Variants in ANKRD44 observed in about 807,000 individuals in gnomAD.
ANKRD44 encodes ankyrin repeat domain 44.
In ANKRD44, 35 loss-of-function variants were observed where a neutral mutation model predicts 116.0. The observed-to-expected ratio is 0.30, with a 90% CI of 0.23 to 0.40. The LOEUF (loss-of-function observed/expected upper bound fraction) is 0.40, where lower values mean the gene tolerates loss of function less well. Ranked by LOEUF, ANKRD44 falls within the 10% of genes least tolerant of loss-of-function variation. The pLI is 1.00. For synonymous variants in ANKRD44, 435 were observed against 461.8 expected, an observed-to-expected ratio of 0.94 and a Z score of 0.74; for missense variants, 1,014 against 1,242.6, an observed-to-expected ratio of 0.82 and a Z score of 2.77.
chr2:197,123,135 GC>G (rs2078896658), intron 6 of ANKRD44, among the ~76,000 whole-genome samples: 1 of 152,122 alleles, frequency 6.6e-6, no homozygotes, highest in South Asian at 2.1e-4. Flanking sequence ...TGAAAGCAAT[GC>G]TTTTGAAAAC....
chr2:197,051,840 A>G (rs1044907441), intron 16 of ANKRD44, among the ~76,000 whole-genome samples: 1 of 152,200 alleles, frequency 6.6e-6, no homozygotes, highest in South Asian at 2.1e-4. Flanking sequence ...AGTAGCACCT[A>G]GTGGGTAGAG....
chr2:197,004,900 T>C (rs900199768), intron 21 of ANKRD44, among the ~76,000 whole-genome samples: 4 of 152,110 alleles, frequency 2.6e-5, no homozygotes, highest in African/African-American at 4.8e-5. Flanking sequence ...GGTATACATA[T>C]TGCTATGAAA....
At chr2:197,118,732 G>A (rs1352067199) in intron 8 of ANKRD44, among the ~76,000 whole-genome samples, 2 of 151,974 alleles carry the variant, frequency 1.3e-5, no homozygotes, top group Non-Finnish European at 2.9e-5. Flanking sequence ...TAGCATATTG[G>A]TACATACTCC....
intron 2 of ANKRD44, among the ~76,000 whole-genome samples, chr2:197,166,929 T>C (rs1258125324): frequency 6.6e-6 from 1 of 152,254 alleles, no homozygotes; most frequent in Non-Finnish European, 1.5e-5. Flanking sequence ...TTATGTGATA[T>C]ATAGTGTCCT....
intron 26 of ANKRD44, chr2:196,994,510 C>T (rs2376207): frequency 0.7 from 105,183 of 150,848 alleles, 36,785 homozygotes; most frequent in East Asian, 0.8. Context: ...TCTTCTTCTT[C>T]TTTTCTTTTT....
chr2:197,109,405 T>C (rs1029055303), intron 9 of ANKRD44, among the ~76,000 whole-genome samples: 3 of 152,256 alleles, frequency 2.0e-5, no homozygotes, highest in African/African-American at 7.2e-5. Context: ...ATTTCTGTTT[T>C]ACCTTCCTTG....
intron 18 of ANKRD44, among the ~76,000 whole-genome samples, chr2:197,011,324 GGCTAAACA>G (rs1434382346): frequency 6.6e-6 from 1 of 152,106 alleles, no homozygotes; most frequent in Non-Finnish European, 1.5e-5. Flanking sequence ...TTTGATATTT[GGCTAAACA>G]TAAGAAGAAA....
chr2:197,099,488 A>G (rs1299581456), intron 10 of ANKRD44: 4 of 1,039,644 alleles, frequency 3.8e-6, no homozygotes. Context: ...AAATTGGCTC[A>G]GTTAGGTTTT....
At position 197,283,797 on chromosome 2, in the gene ANKRD44, C is replaced by T. The variant is rs188371789; in HGVS notation, c.27+26781G>A. On this transcript the variant is annotated intron_variant, in intron 1 of 27. Transcript: ENST00000282272. ...AGCATAAAGAAGCAATAAATGGGGG[C>T]AGGGAGTAAAGCTTGGGAACTATTC... is the stretch of plus-strand genomic sequence containing the variant. Among the ~76,000 whole-genome samples the T allele has an allele frequency of 4.2e-3, 643 of 152,038 alleles. 3 individuals carry two copies. Among genetic ancestry groups the T allele is most frequent in the African/African-American group, 0.015 (612 of 41,448 alleles).
At chr2:197,186,612 C>CTTATTTTTTTTTTTTTT (rs2080671655) in intron 2 of ANKRD44, among the ~76,000 whole-genome samples, 1 of 50,786 alleles carries the variant, frequency 2.0e-5, no homozygotes, top group Non-Finnish European at 4.4e-5. Flanking sequence ...GCTAATTTTT[C>CTTATTTTTTTTTTTTTT]TTTTTTTTTT....
intron 16 of ANKRD44, among the ~76,000 whole-genome samples, chr2:197,056,496 T>C (rs1195953724): frequency 6.6e-6 from 1 of 152,192 alleles, no homozygotes; most frequent in African/African-American, 2.4e-5. Flanking sequence ...AGTGATATCT[T>C]TTTAAAATTT....
intron 21 of ANKRD44, among the ~76,000 whole-genome samples, chr2:196,970,599 C>G (rs939599550): frequency 3.9e-5 from 6 of 152,064 alleles, no homozygotes; most frequent in Non-Finnish European, 8.8e-5. Context: ...ACCCACCCCC[C>G]CAATCCTTAT....
rs1559048334 is a variant in ANKRD44 at position 197,083,349 on chromosome 2, A to C, written c.1457+20T>G. 2 of 1,606,108 alleles carry C rather than the reference A, an allele frequency of 1.2e-6. No homozygotes were observed. The highest frequency in any genetic ancestry group is 8.5e-7 in the Non-Finnish European group (1 of 1,176,232). The stretch of plus-strand genomic sequence containing the variant: ...CCCCAACCCTGTTCCCAGAGGAAGC[A>C]TGAGCAAGGCTGTTTTTACTTTCTA... On this transcript the variant is annotated intron_variant, in intron 14 of 27. Transcript: ENST00000282272.
chr2:197,239,964 C>T lies in ANKRD44; in HGVS notation c.28-52858G>A, dbSNP rs573911977. On this transcript the variant is annotated intron_variant, in intron 1 of 27. Transcript: ENST00000282272. Reference sequence around the variant, plus strand: ...GGGCCTTGCATTTTTCTGCAAATCTCTCTAATATATTCCCTTATAATATAT... The same window carrying T: ...GGGCCTTGCATTTTTCTGCAAATCTTTCTAATATATTCCCTTATAATATAT... Among the ~76,000 whole-genome samples the T allele has an allele frequency of 2.1e-3, 314 of 152,270 alleles. 1 individual carries two copies. Among genetic ancestry groups the T allele is most frequent in the African/African-American group, 7.3e-3 (303 of 41,552 alleles).
At chr2:197,167,438 T>C (rs532369496) in intron 2 of ANKRD44, among the ~76,000 whole-genome samples, 1 of 152,328 alleles carries the variant, frequency 6.6e-6, no homozygotes, top group South Asian at 2.1e-4. Flanking sequence ...GGAATCTACA[T>C]ACCTTACATC....
chr2:197,073,414 C>T (rs2077601136), intron 16 of ANKRD44, among the ~76,000 whole-genome samples: 2 of 152,296 alleles, frequency 1.3e-5, no homozygotes, highest in South Asian at 4.1e-4. Context: ...TCAAGGAGAA[C>T]CCCAGGCTAG....
intron 4 of ANKRD44, 60 bp from the exon 5 acceptor site, chr2:197,126,097 T>C (rs977750409): frequency 1.3e-6 from 2 of 1,558,478 alleles, no homozygotes; most frequent in Non-Finnish European, 1.8e-6. Flanking sequence ...TACTTACTGG[T>C]GTAAGATGCT....
chr2:197,264,370 C>A (rs2082687414), intron 1 of ANKRD44, among the ~76,000 whole-genome samples: 1 of 152,202 alleles, frequency 6.6e-6, no homozygotes, highest in East Asian at 1.9e-4. Flanking sequence ...ACTAATACCT[C>A]TCTTGAAGCA....
chr2:197,270,857 G>T (rs1441159984), intron 1 of ANKRD44, among the ~76,000 whole-genome samples: 1 of 152,152 alleles, frequency 6.6e-6, no homozygotes, highest in Non-Finnish European at 1.5e-5. Context: ...AAAGCTCATG[G>T]TACCCCACAC....
Sources: allele counts gnomAD v4.1 joint callset (sites outside exome capture counted in the v4.1 genomes callset), GRCh38; gene constraint gnomAD v4.1.1; transcripts MANE v1.5; gene names NCBI Gene and HGNC (gene_info 2026-07-23, HGNC 2026-07-21).